The following IMPG1 variants were observed in gnomAD, a reference collection of about 807,000 sequenced individuals.
IMPG1 encodes interphotoreceptor matrix proteoglycan 1.
IMPG1 carries 85 observed loss-of-function variants against 92.0 expected under a neutral mutation model. The ratio of observed to expected loss-of-function variants is 0.92; its 90% CI spans 0.78 to 1.11. IMPG1 has a LOEUF of 1.11. Ranked by LOEUF, IMPG1 falls within the 50% of genes least tolerant of loss-of-function variation. IMPG1 has a pLI of 0.00. For synonymous variants in IMPG1, 367 were observed against 334.1 expected (o/e 1.10, Z -1.08); for missense variants, 1,022 against 956.0 (o/e 1.07, Z -0.91).
At chr6:76,005,192 G>T in intron 10 of IMPG1, 95 bp downstream of exon 10, 1 of 1,264,360 alleles carries the variant, frequency 7.9e-7, no homozygotes, top group South Asian at 1.4e-5. Context: ...GACTTTAGAA[G>T]ACCCAAGTTA....
chr6:76,025,170 C>T (rs371854253), intron 5 of IMPG1, 24 bp downstream of exon 5: 122 of 1,449,704 alleles, frequency 8.4e-5, no homozygotes, highest in South Asian at 3.2e-4. Flanking sequence ...AGTTGAGAAG[C>T]AAAGAAATTA....
intron 2 of IMPG1, among the ~76,000 whole-genome samples, chr6:76,039,845 C>T (rs1293450034): frequency 6.6e-6 from 1 of 152,206 alleles, no homozygotes; most frequent in Non-Finnish European, 1.5e-5. Context: ...GAGATAAGCA[C>T]ATTTATGATT....
At chr6:76,051,539 A>C (rs1784042292) in intron 1 of IMPG1, among the ~76,000 whole-genome samples, 1 of 152,224 alleles carries the variant, frequency 6.6e-6, no homozygotes, top group Non-Finnish European at 1.5e-5. Context: ...TGTTGGAATA[A>C]ATGATGCAAA....
chr6:76,056,067 A>G (rs1007350643), intron 1 of IMPG1, among the ~76,000 whole-genome samples: 2 of 151,916 alleles, frequency 1.3e-5, no homozygotes, highest in Non-Finnish European at 1.5e-5. Flanking sequence ...GCTTATGAAT[A>G]TGAGTGTAAC....
intron 15 of IMPG1, among the ~76,000 whole-genome samples, chr6:75,927,980 C>A (rs1186109416): frequency 2.0e-5 from 3 of 152,074 alleles, no homozygotes; most frequent in Admixed American, 6.5e-5. Context: ...CTTTACTGAT[C>A]TCACTTACGA....
Position 75,979,082 on chromosome 6 carries a change from T to C in IMPG1, c.1291+23836A>G, listed in dbSNP as rs564667505. Among the ~76,000 whole-genome samples the C allele has an allele frequency of 1.1e-4, 16 of 152,224 alleles. No homozygotes were observed. The South Asian group carries it at 2.9e-3, about 28-fold the overall frequency. On this transcript the variant is annotated intron_variant, in intron 12 of 16. Coordinates refer to ENST00000369950, the MANE Select transcript of IMPG1 (RefSeq NM_001563.4). ...TGTGTGCCACCATACCTACCTATTT[T>C]TTTTTTCTACTTTTTGTACAGACAG...
intron 1 of IMPG1, among the ~76,000 whole-genome samples, chr6:76,045,441 C>CTTTTTT (rs10700038): frequency 1.6e-5 from 2 of 122,438 alleles, no homozygotes. Flanking sequence ...CAACCTCCAT[C>CTTTTTT]TTTTTTTTTT....
chr6:75,993,802 G>A (rs917647592), intron 12 of IMPG1, among the ~76,000 whole-genome samples: 3 of 152,182 alleles, frequency 2.0e-5, no homozygotes, highest in Non-Finnish European at 2.9e-5. Context: ...GCATTTAAAA[G>A]TTTATTCAAG....
intron 7 of IMPG1, among the ~76,000 whole-genome samples, chr6:76,017,133 G>A (rs1308810144): frequency 6.6e-6 from 1 of 150,854 alleles, no homozygotes. Flanking sequence ...GAAATAGTTT[G>A]CATTCCTGGA....
intron 12 of IMPG1, among the ~76,000 whole-genome samples, chr6:75,973,077 G>A (rs1348038124): frequency 6.6e-6 from 1 of 152,126 alleles, no homozygotes; most frequent in East Asian, 1.9e-4. Flanking sequence ...GCTCGAGCTC[G>A]AGTGATCCTT....
chr6:75,930,750 A>G (rs1781651756), intron 15 of IMPG1, among the ~76,000 whole-genome samples: 1 of 152,152 alleles, frequency 6.6e-6, no homozygotes, highest in African/African-American at 2.4e-5. Flanking sequence ...CCTGAGCCCC[A>G]TCCAGACCTA....
At chr6:76,027,722 T>C (rs564619721) in intron 4 of IMPG1, among the ~76,000 whole-genome samples, 1 of 152,218 alleles carries the variant, frequency 6.6e-6, no homozygotes, top group African/African-American at 2.4e-5. Flanking sequence ...GATAAAACCA[T>C]AACAAAATTT....
At chr6:75,972,749 A>G (rs1187981722) in intron 12 of IMPG1, among the ~76,000 whole-genome samples, 1 of 152,206 alleles carries the variant, frequency 6.6e-6, no homozygotes, top group Non-Finnish European at 1.5e-5. Flanking sequence ...GTCATTCTTT[A>G]AATCAATCAA....
chr6:75,962,564 A>G (rs1295966870), intron 12 of IMPG1, among the ~76,000 whole-genome samples: 1 of 152,200 alleles, frequency 6.6e-6, no homozygotes, highest in Non-Finnish European at 1.5e-5. Context: ...AAGGAATCCA[A>G]ACTGGGAGAA....
chr6:76,065,351 C>G (rs1269452841), intron 1 of IMPG1, among the ~76,000 whole-genome samples: 1 of 151,706 alleles, frequency 6.6e-6, no homozygotes, highest in Non-Finnish European at 1.5e-5. Flanking sequence ...AAAAACAATT[C>G]AAGAAGAAAT....
chr6:75,948,029 C>T (rs533998076), intron 13 of IMPG1, among the ~76,000 whole-genome samples: 24 of 152,192 alleles, frequency 1.6e-4, no homozygotes, highest in Non-Finnish European at 3.2e-4. Context: ...GTAAATATTT[C>T]CCGGCCAACA....
intron 2 of IMPG1, among the ~76,000 whole-genome samples, chr6:76,041,367 A>G (rs1255259786): frequency 6.6e-6 from 1 of 152,186 alleles, no homozygotes; most frequent in Non-Finnish European, 1.5e-5. Context: ...TATCTTGGTA[A>G]CCACTCTTTA....
chr6:76,052,903 C>A (rs767500160), intron 1 of IMPG1, among the ~76,000 whole-genome samples: 1 of 152,208 alleles, frequency 6.6e-6, no homozygotes, highest in African/African-American at 2.4e-5. Context: ...GATTGTCAAC[C>A]AGCTTGGTGA....
intron 4 of IMPG1, among the ~76,000 whole-genome samples, chr6:76,030,209 T>C (rs982264800): frequency 6.6e-6 from 1 of 152,080 alleles, no homozygotes; most frequent in Non-Finnish European, 1.5e-5. Context: ...TCTTATTCTC[T>C]AAGGCCCTCC....
Sources: allele counts gnomAD v4.1 joint callset (sites outside exome capture counted in the v4.1 genomes callset), GRCh38; gene constraint gnomAD v4.1.1; transcripts MANE v1.5; gene names NCBI Gene and HGNC (gene_info 2026-07-23, HGNC 2026-07-21).